Variants in UBN2 observed in about 807,000 individuals in gnomAD.
The protein encoded by UBN2 is ubinuclein-2.
UBN2 carries 35 observed loss-of-function variants against 120.2 expected under a neutral mutation model. That is an observed-to-expected ratio of 0.29 (90% CI 0.22 to 0.39). The LOEUF is 0.39. Ranked by LOEUF, UBN2 falls within the 10% of genes least tolerant of loss-of-function variation. UBN2 has a pLI of 1.00. For missense variants in UBN2, 1,693 were observed against 1,663.2 expected (o/e 1.02, Z -0.31); for synonymous variants, 661 against 648.7 (o/e 1.02, Z -0.29).
intron 15 of UBN2, among the ~76,000 whole-genome samples, chr7:139,287,655 C>T (rs895992821): frequency 1.3e-4 from 19 of 151,146 alleles, no homozygotes; most frequent in African/African-American, 4.6e-4. Flanking sequence ...AGTGTTCCTG[C>T]CTTCATATCT....
chr7:139,269,955 G>A (rs1194722573), intron 8 of UBN2, among the ~76,000 whole-genome samples: 2 of 151,966 alleles, frequency 1.3e-5, no homozygotes, highest in Non-Finnish European at 2.9e-5. Context: ...ACTGCAGGCT[G>A]GCATCATTAC....
At chr7:139,284,714 C>T (rs1797730751) in intron 15 of UBN2, 140 bp downstream of exon 15, 2 of 735,376 alleles carry the variant, frequency 2.7e-6, no homozygotes, top group Non-Finnish European at 4.3e-6. Flanking sequence ...ATGGAATGTT[C>T]CTGATGCTGA....
Position 139,231,965 on chromosome 7 carries a change from C to G in UBN2, c.468+13C>G. 5 of 1,574,274 alleles carry G rather than the reference C, an allele frequency of 3.2e-6. No individual in the cohort carries two copies. The highest frequency in any genetic ancestry group is 4.3e-6 in the Non-Finnish European group (5 of 1,167,154). ...CGGAGAACAACGGGTACAGAAGATTCTTCCCTCCTGCCCCAGACCCCGGGA... is the reference window on the plus strand; with the variant it reads ...CGGAGAACAACGGGTACAGAAGATTGTTCCCTCCTGCCCCAGACCCCGGGA... On this transcript the variant is annotated intron_variant, in intron 1 of 17. Transcript: ENST00000473989.
chr7:139,328,859 G>GA, the UBN2 span, among the ~76,000 whole-genome samples: 41,444 of 114,684 alleles, frequency 0.36, 7,099 homozygotes, highest in African/African-American at 0.55. Context: ...CCTGTCTCAA[G>GA]AAAAAAAAAA....
intron 2 of UBN2, among the ~76,000 whole-genome samples, chr7:139,248,493 G>A (rs1159172920): frequency 6.6e-6 from 1 of 152,070 alleles, no homozygotes; most frequent in Non-Finnish European, 1.5e-5. Context: ...TTTGATAGAG[G>A]AAATTGATAT....
chr7:139,247,488 C>T (rs937400732), intron 2 of UBN2, among the ~76,000 whole-genome samples: 3 of 152,122 alleles, frequency 2.0e-5, no homozygotes, highest in African/African-American at 7.2e-5. Flanking sequence ...AAAGAATGGC[C>T]TGTTGGAGTT....
chr7:139,268,576 G>T (rs991321217), intron 7 of UBN2, among the ~76,000 whole-genome samples: 6 of 152,108 alleles, frequency 3.9e-5, no homozygotes, highest in Non-Finnish European at 8.8e-5. Context: ...ACATGCTGAT[G>T]ATTTCCTTGC....
At chr7:139,251,846 G>A (rs1370362170) in intron 2 of UBN2, 110 bp from the exon 3 acceptor site, 3 of 910,532 alleles carry the variant, frequency 3.3e-6, no homozygotes, top group African/African-American at 3.3e-5. Flanking sequence ...TAAACCTCCT[G>A]GAGAGGGGGA....
the UBN2 span, among the ~76,000 whole-genome samples, chr7:139,317,473 G>A: frequency 1.3e-5 from 2 of 150,234 alleles, no homozygotes; most frequent in Admixed American, 6.6e-5. Context: ...TTTTTAATAC[G>A]TTCTCTTACT....
intron 7 of UBN2, among the ~76,000 whole-genome samples, chr7:139,268,516 A>AC (rs141082491): frequency 0.012 from 1,750 of 150,460 alleles, 38 homozygotes; most frequent in African/African-American, 0.041. Flanking sequence ...GGAATAGGGA[A>AC]CCCCCCCTTT....
chr7:139,271,352 C>T (rs190838270), intron 8 of UBN2, among the ~76,000 whole-genome samples: 2,354 of 152,022 alleles, frequency 0.015, 36 homozygotes, highest in Non-Finnish European at 0.026. Flanking sequence ...TTTGGGAGGC[C>T]GAGGCAGGCA....
chr7:139,310,322 A>AG (rs1554480883), downstream of UBN2, among the ~76,000 whole-genome samples: 129 of 150,938 alleles, frequency 8.5e-4, 2 homozygotes, highest in African/African-American at 2.4e-3. Flanking sequence ...AAAAAAAAAA[A>AG]GTTATATTTG....
chr7:139,304,971 G>T lies in UBN2; in HGVS notation c.*7135G>T, dbSNP rs1023560403. 1.3e-5 allele frequency: 2 copies of T among 152,058 alleles called. No homozygotes were observed. Among genetic ancestry groups the T allele is most frequent in the African/African-American group, 4.8e-5 (2 of 41,406 alleles). 9.4% of individuals were successfully genotyped at this position (152,058 alleles called of 1,614,324 possible). ...CAGAAGCATAAAATAGAGATACTTTGTGTGTTCATCTATCGTAAAATGTGA... is the reference window on the plus strand; with the variant it reads ...CAGAAGCATAAAATAGAGATACTTTTTGTGTTCATCTATCGTAAAATGTGA... On this transcript the variant is annotated 3_prime_UTR_variant, in exon 18 of 18. Coordinates refer to ENST00000473989, the MANE Select transcript of UBN2 (RefSeq NM_173569.4).
chr7:139,250,792 G>A (rs1314923861), intron 2 of UBN2, among the ~76,000 whole-genome samples: 1 of 151,944 alleles, frequency 6.6e-6, no homozygotes, highest in East Asian at 1.9e-4. Context: ...ATGTCTGTGT[G>A]TATAATTCTA....
intron 10 of UBN2, 121 bp from the exon 11 acceptor site, chr7:139,273,810 A>G (rs1797360482): frequency 1.2e-6 from 1 of 813,746 alleles, no homozygotes. Context: ...CTGTGGTGCA[A>G]TGAATGATAT....
At chr7:139,259,454 A>T in intron 5 of UBN2, 84 bp downstream of exon 5, 1 of 1,538,566 alleles carries the variant, frequency 6.5e-7, no homozygotes, top group South Asian at 1.2e-5. Flanking sequence ...ACCATTAACT[A>T]ATTCAACCTA....
At chr7:139,240,452 A>ATT (rs1401337500) in intron 2 of UBN2, among the ~76,000 whole-genome samples, 134 of 57,652 alleles carry the variant, frequency 2.3e-3, no homozygotes, top group African/African-American at 3.9e-3. Context: ...ATATATATAT[A>ATT]TATTTTTTTT....
At chr7:139,329,433 G>A in the UBN2 span, among the ~76,000 whole-genome samples, 2 of 152,162 alleles carry the variant, frequency 1.3e-5, no homozygotes, top group East Asian at 3.9e-4. Flanking sequence ...CCCAACTTGT[G>A]AATCAGAATT....
intron 7 of UBN2, 67 bp downstream of exon 7, chr7:139,266,470 A>G: frequency 1.1e-6 from 1 of 899,456 alleles, no homozygotes; most frequent in Non-Finnish European, 1.7e-6. Context: ...TAGGCCTTTG[A>G]GATACTGAGT....
Sources: gnomAD v4.1 joint callset for allele counts (sites outside exome capture counted in the v4.1 genomes callset) on GRCh38, gnomAD v4.1.1 for gene constraint, MANE v1.5 for transcripts, NCBI Gene and HGNC (gene_info 2026-07-23, HGNC 2026-07-21) for gene names.